TEAD1: variants seen among roughly 807,000 people sequenced by gnomAD.
TEAD1 encodes transcriptional enhancer factor TEF-1.
TEAD1 carries 9 observed loss-of-function variants against 54.9 expected under a neutral mutation model. The ratio of observed to expected loss-of-function variants is 0.16; its 90% confidence interval spans 0.10 to 0.29. The LOEUF is 0.29. Among genes scored for constraint, TEAD1 ranks in the 10% least tolerant of loss-of-function variants. The pLI is 1.00. For missense variants in TEAD1, 387 were observed against 535.9 expected (o/e 0.72, Z 2.74); for synonymous variants, 200 against 187.8 (o/e 1.07, Z -0.53).
chr11:12,875,008 G>A (rs542235272), intron 5 of TEAD1, among the ~76,000 whole-genome samples: 6 of 152,084 alleles, frequency 3.9e-5, no homozygotes, highest in African/African-American at 7.2e-5. Flanking sequence ...GCACACGCAC[G>A]CACACATACA....
At chr11:12,896,947 C>T (rs887517364) in intron 9 of TEAD1, among the ~76,000 whole-genome samples, 1 of 152,144 alleles carries the variant, frequency 6.6e-6, no homozygotes, top group Non-Finnish European at 1.5e-5. Flanking sequence ...CCTTTTCCAT[C>T]GTTGACCTTG....
In TEAD1 at chr11:12,777,427, G is replaced by A. The variant is rs569656807; in HGVS notation, c.202+12993G>A. 1.5e-4 allele frequency among the ~76,000 whole-genome samples: 23 copies of A among 152,164 alleles called. 1 individual carries two copies. The South Asian group carries it at 4.8e-3, about 32-fold the overall frequency. On this transcript the variant is annotated intron_variant, in intron 3 of 12. Transcript: ENST00000527636. ...GACTTGCCCGATATTTTGTTGAGAC[G>A]GGCTTTGGCAACTGTCTCTTAGATG...
intron 5 of TEAD1, among the ~76,000 whole-genome samples, chr11:12,877,848 G>T (rs1234273888): frequency 7.0e-6 from 1 of 142,142 alleles, no homozygotes; most frequent in Non-Finnish European, 1.5e-5. Flanking sequence ...AGGCTTGAGT[G>T]CAGTGGCTTG....
At chr11:12,883,884 A>G (rs1305030735) in intron 9 of TEAD1, among the ~76,000 whole-genome samples, 1 of 151,630 alleles carries the variant, frequency 6.6e-6, no homozygotes, top group Non-Finnish European at 1.5e-5. Flanking sequence ...AGTCCCAGCT[A>G]CTCAGGAGGC....
At chr11:12,680,566 C>A (rs959985704) in intron 2 of TEAD1, among the ~76,000 whole-genome samples, 1 of 152,262 alleles carries the variant, frequency 6.6e-6, no homozygotes, top group Non-Finnish European at 1.5e-5. Flanking sequence ...CGCCCTCCCC[C>A]ACTGGGCAGC....
At chr11:12,874,864 C>CA (rs1445421607) in intron 5 of TEAD1, among the ~76,000 whole-genome samples, 1 of 152,048 alleles carries the variant, frequency 6.6e-6, no homozygotes, top group African/African-American at 2.4e-5. Context: ...CCCCACTCCC[C>CA]AAAACATTTG....
intron 3 of TEAD1, among the ~76,000 whole-genome samples, chr11:12,790,241 G>A (rs529104155): frequency 6.6e-6 from 1 of 152,212 alleles, no homozygotes; most frequent in South Asian, 2.1e-4. Flanking sequence ...CTAAGGTTTT[G>A]TTTTCTCCCA....
At chr11:12,761,264 GCCTGC>G (rs1945097688) in intron 2 of TEAD1, among the ~76,000 whole-genome samples, 2 of 152,210 alleles carry the variant, frequency 1.3e-5, no homozygotes, top group Non-Finnish European at 2.9e-5. Flanking sequence ...TGCTAGAACA[GCCTGC>G]CCCTTGTGGA....
intron 2 of TEAD1, among the ~76,000 whole-genome samples, chr11:12,716,155 G>C (rs1018781243): frequency 2.0e-5 from 3 of 152,032 alleles, no homozygotes; most frequent in Admixed American, 6.6e-5. Flanking sequence ...GGGATGGGAG[G>C]GGGAGCAGTC....
chr11:12,901,186 A>G (rs1462377001), intron 9 of TEAD1, among the ~76,000 whole-genome samples: 1 of 152,218 alleles, frequency 6.6e-6, no homozygotes, highest in Non-Finnish European at 1.5e-5. Flanking sequence ...TTTGTGGTCC[A>G]GTTACCATGT....
At chr11:12,917,574 T>G (rs1268113985) in intron 10 of TEAD1, among the ~76,000 whole-genome samples, 1 of 152,190 alleles carries the variant, frequency 6.6e-6, no homozygotes, top group Non-Finnish European at 1.5e-5. Flanking sequence ...CCCAGGCTGG[T>G]CTCAAACTCC....
intron 10 of TEAD1, among the ~76,000 whole-genome samples, chr11:12,913,218 G>A (rs1247305194): frequency 6.6e-6 from 1 of 152,036 alleles, no homozygotes; most frequent in Non-Finnish European, 1.5e-5. Flanking sequence ...CCCTCTCCAT[G>A]TGCAGGTAAA....
At chr11:12,866,417 G>T (rs562870255) in intron 5 of TEAD1, among the ~76,000 whole-genome samples, 1 of 152,314 alleles carries the variant, frequency 6.6e-6, no homozygotes, top group South Asian at 2.1e-4. Context: ...GAGGAATAAA[G>T]CTCTTCTGTT....
At chr11:12,718,027 G>A (rs1485347362) in intron 2 of TEAD1, among the ~76,000 whole-genome samples, 1 of 152,178 alleles carries the variant, frequency 6.6e-6, no homozygotes, top group Non-Finnish European at 1.5e-5. Context: ...TGGTTGTGGT[G>A]GTGGTGGTGA....
intron 3 of TEAD1, chr11:12,848,862 A>G (rs187581616): frequency 1.3e-5 from 2 of 151,902 alleles, no homozygotes; most frequent in African/African-American, 4.8e-5. Context: ...AGGTGGGAGG[A>G]TTGCTTGAAA....
chr11:12,930,977 C>A (rs1318831037), intron 12 of TEAD1, among the ~76,000 whole-genome samples: 2 of 152,174 alleles, frequency 1.3e-5, no homozygotes, highest in African/African-American at 4.8e-5. Context: ...GCTAAAAAAT[C>A]TGGCTAGGCT....
At chr11:12,764,926 CT>C (rs199521412) in intron 3 of TEAD1, among the ~76,000 whole-genome samples, 115 of 142,718 alleles carry the variant, frequency 8.1e-4, no homozygotes, top group Non-Finnish European at 9.1e-4. Context: ...AAAGCCAGCA[CT>C]TTTTTTTTTT....
intron 2 of TEAD1, among the ~76,000 whole-genome samples, chr11:12,716,390 C>G (rs1944063109): frequency 6.6e-6 from 1 of 152,156 alleles, no homozygotes; most frequent in Non-Finnish European, 1.5e-5. Context: ...CATCCCTCCC[C>G]CCTCCATTGA....
rs535207136 is a variant in TEAD1 at position 12,711,189 on chromosome 11, G to T, written c.-55+35628G>T. ...AGACGAGAGTCAGGGTAGTCACTGG[G>T]GAGGCCACTGCAGCGGCTCGGGAAG... On this transcript the variant is annotated intron_variant, in intron 2 of 12. Coordinates refer to ENST00000527636, the MANE Select transcript of TEAD1 (RefSeq NM_021961.6). Among the ~76,000 whole-genome samples, 9 of 152,270 alleles carry T rather than the reference G, an allele frequency of 5.9e-5. No individual in the cohort carries two copies. The East Asian group carries it at 1.7e-3, about 29-fold the overall frequency.
Sources: allele counts gnomAD v4.1 joint callset (sites outside exome capture counted in the v4.1 genomes callset), GRCh38; gene constraint gnomAD v4.1.1; transcripts MANE v1.5; gene names NCBI Gene and HGNC (gene_info 2026-07-23, HGNC 2026-07-21).